CAMK2B: variants seen among roughly 807,000 people sequenced by gnomAD.
The protein encoded by CAMK2B is calcium/calmodulin-dependent protein kinase type II subunit beta.
In CAMK2B, 27 loss-of-function variants were observed where a neutral mutation model predicts 93.7. That is an observed-to-expected ratio of 0.29 (90% CI 0.21 to 0.40). The LOEUF is 0.40. Ranked by LOEUF, CAMK2B falls within the 10% of genes least tolerant of loss-of-function variation. The pLI is 1.00. For missense variants in CAMK2B, 568 were observed against 895.8 expected (o/e 0.63, Z 4.67); for synonymous variants, 374 against 358.8 (o/e 1.04, Z -0.48).
intron 2 of CAMK2B, among the ~76,000 whole-genome samples, chr7:44,279,557 C>A (rs532094770): frequency 1.2e-4 from 18 of 152,302 alleles, no homozygotes; most frequent in African/African-American, 4.1e-4. Flanking sequence ...ACCCCTTCCT[C>A]CCACCACCCT....
At chr7:44,251,269 G>A (rs1258710458) in intron 5 of CAMK2B, among the ~76,000 whole-genome samples, 1 of 152,236 alleles carries the variant, frequency 6.6e-6, no homozygotes, top group Non-Finnish European at 1.5e-5. Context: ...CTGGGGGTAA[G>A]TCAAGCTCCC....
intron 1 of CAMK2B, among the ~76,000 whole-genome samples, chr7:44,284,595 C>T (rs949822984): frequency 6.6e-6 from 1 of 152,204 alleles, no homozygotes; most frequent in South Asian, 2.1e-4. Context: ...TCGGCTGGAC[C>T]AAGAGTCCAT....
intron 1 of CAMK2B, among the ~76,000 whole-genome samples, chr7:44,293,432 G>A (rs568247342): frequency 5.3e-5 from 8 of 152,262 alleles, no homozygotes; most frequent in South Asian, 2.1e-4. Flanking sequence ...TAACGTGGTC[G>A]TCGTCACTTC....
intron 18 of CAMK2B, chr7:44,229,179 G>T (rs759522806): frequency 1.6e-6 from 1 of 615,710 alleles, no homozygotes; most frequent in Non-Finnish European, 2.9e-6. Flanking sequence ...CAGTGGCCTT[G>T]AGCAGGAAAG....
chr7:44,221,180 G>C (rs2096399888), intron 20 of CAMK2B, among the ~76,000 whole-genome samples: 1 of 152,230 alleles, frequency 6.6e-6, no homozygotes, highest in African/African-American at 2.4e-5. Context: ...AATGCAGAAA[G>C]AGGACAAAAA....
intron 2 of CAMK2B, among the ~76,000 whole-genome samples, chr7:44,277,089 C>T (rs59253172): frequency 0.025 from 3,752 of 152,164 alleles, 56 homozygotes; most frequent in Middle Eastern, 0.065. Context: ...CTACACAGGG[C>T]GTCCAACAAG....
intron 1 of CAMK2B, among the ~76,000 whole-genome samples, chr7:44,298,332 C>T (rs1180680097): frequency 6.6e-6 from 1 of 152,104 alleles, no homozygotes; most frequent in African/African-American, 2.4e-5. Flanking sequence ...AACTGGGATA[C>T]CCACATGCAA....
chr7:44,247,299 A>T, intron 5 of CAMK2B, 107 bp from the exon 6 acceptor site: 2 of 902,112 alleles, frequency 2.2e-6, no homozygotes, highest in Non-Finnish European at 3.6e-6. Context: ...GACCAGGGGG[A>T]CAAAGCAAGT....
chr7:44,303,676 G>C (rs1405097767), intron 1 of CAMK2B, among the ~76,000 whole-genome samples: 1 of 152,218 alleles, frequency 6.6e-6, no homozygotes, highest in Non-Finnish European at 1.5e-5. Flanking sequence ...AAATCTGGAT[G>C]ACTTTGGGTT....
rs1175333777 is a variant in CAMK2B, at chr7:44,217,347, C to T, written c.*2178G>A. The T allele has an allele frequency of 1.3e-5, 2 of 152,438 alleles. No homozygotes were observed. Among genetic ancestry groups the T allele is most frequent in the African/African-American group, 4.8e-5 (2 of 41,440 alleles). The allele number at this position is 152,438 out of a possible 1,614,324, so 9.4% of individuals were successfully genotyped here. A position where few individuals can be genotyped will look rare whatever the true frequency, so the allele number is the denominator to read the frequency against. ...GCGGCCGCCACCACCACACCGCGGACACCTAGCTAGCAGACCGGTGTGGCT... is the reference window on the plus strand; with the variant it reads ...GCGGCCGCCACCACCACACCGCGGATACCTAGCTAGCAGACCGGTGTGGCT... On this transcript the variant is annotated 3_prime_UTR_variant, in exon 24 of 24. Transcript: ENST00000395749.
At chr7:44,273,383 C>T (rs1272703702) in intron 2 of CAMK2B, among the ~76,000 whole-genome samples, 1 of 152,184 alleles carries the variant, frequency 6.6e-6, no homozygotes, top group Non-Finnish European at 1.5e-5. Flanking sequence ...CCCGTAACCC[C>T]AGGACAGGAC....
intron 4 of CAMK2B, among the ~76,000 whole-genome samples, chr7:44,257,416 T>G (rs1286452783): frequency 6.6e-6 from 1 of 152,204 alleles, no homozygotes; most frequent in African/African-American, 2.4e-5. Flanking sequence ...GTCTCTCAAA[T>G]GGGCACACAC....
chr7:44,321,113 G>A (rs1006091437), intron 1 of CAMK2B, among the ~76,000 whole-genome samples: 1 of 152,230 alleles, frequency 6.6e-6, no homozygotes, highest in Non-Finnish European at 1.5e-5. Context: ...TGGGGAGAGA[G>A]AAAGCAAATA....
intron 20 of CAMK2B, among the ~76,000 whole-genome samples, chr7:44,223,816 G>C (rs1227409422): frequency 1.3e-5 from 2 of 152,048 alleles, no homozygotes; most frequent in Non-Finnish European, 2.9e-5. Flanking sequence ...GAGAAGTCTG[G>C]TGTCCACATG....
intron 18 of CAMK2B, chr7:44,229,140 C>T (rs1583877350): frequency 1.6e-6 from 1 of 632,950 alleles, no homozygotes; most frequent in East Asian, 2.8e-5. Context: ...GGAATTGAGG[C>T]CCGAGCCTCC....
At chr7:44,283,980 C>T in intron 2 of CAMK2B, 151 bp downstream of exon 2, 1 of 620,400 alleles carries the variant, frequency 1.6e-6, no homozygotes. Flanking sequence ...ACTCCAGGAA[C>T]CCCACTGCAT....
chr7:44,262,994 A>G lies in CAMK2B; in HGVS notation c.220+11T>C. The G allele has an allele frequency of 6.2e-7, 1 of 1,612,140 alleles. No homozygotes were observed. Among genetic ancestry groups the G allele is most frequent in the Non-Finnish European group, 8.5e-7 (1 of 1,178,744 alleles). ...GGGACCCATCCCCGCTCCCTACCCC[A>G]GGCTGCTCACCGATGTTGGAATGCT... On this transcript the variant is annotated intron_variant, in intron 3 of 23. Coordinates refer to ENST00000395749, the MANE Select transcript of CAMK2B (RefSeq NM_001220.5).
chr7:44,309,642 C>A (rs1380162642), intron 1 of CAMK2B, among the ~76,000 whole-genome samples: 1 of 152,198 alleles, frequency 6.6e-6, no homozygotes, highest in Admixed American at 6.5e-5. Flanking sequence ...CGGGACTCTG[C>A]GCCCGCGGCG....
intron 16 of CAMK2B, among the ~76,000 whole-genome samples, chr7:44,232,185 G>T (rs547178543): frequency 2.1e-5 from 2 of 95,436 alleles, no homozygotes; most frequent in Non-Finnish European, 4.2e-5. Context: ...GAAGTGGGGG[G>T]TCCCCACAGA....
Sources: allele counts gnomAD v4.1 joint callset (sites outside exome capture counted in the v4.1 genomes callset), GRCh38; gene constraint gnomAD v4.1.1; transcripts MANE v1.5; gene names NCBI Gene and HGNC (gene_info 2026-07-23, HGNC 2026-07-21).